CALD1: variants seen among roughly 807,000 people sequenced by gnomAD.
CALD1 encodes the protein caldesmon.
CALD1 carries 33 observed loss-of-function variants against 99.9 expected under a neutral mutation model. The observed-to-expected ratio is 0.33, with a 90% CI of 0.25 to 0.44. CALD1 has a LOEUF of 0.44. Among genes scored for constraint, CALD1 ranks in the 20% least tolerant of loss-of-function variants. The pLI is 1.00. For synonymous variants in CALD1, 310 were observed against 325.0 expected (o/e 0.95, Z 0.50); for missense variants, 861 against 962.1 (o/e 0.89, Z 1.39).
chr7:134,718,768 C>T, the CALD1 span, among the ~76,000 whole-genome samples: 2 of 152,094 alleles, frequency 1.3e-5, no homozygotes, highest in Admixed American at 1.3e-4. Flanking sequence ...AGTCTCATGT[C>T]TTATACTGGT....
intron 3 of CALD1, among the ~76,000 whole-genome samples, chr7:134,877,129 T>C (rs1006301377): frequency 5.4e-4 from 82 of 152,366 alleles, no homozygotes; most frequent in African/African-American, 1.9e-3. Context: ...TGTTACCTCT[T>C]GTTGCTGTTT....
chr7:134,807,908 G>A (rs1019044990), intron 1 of CALD1, among the ~76,000 whole-genome samples: 2 of 151,876 alleles, frequency 1.3e-5, no homozygotes, highest in African/African-American at 2.4e-5. Flanking sequence ...GATTACAAGC[G>A]TAAGCCACCG....
intron 3 of CALD1, among the ~76,000 whole-genome samples, chr7:134,880,280 T>C (rs1307501910): frequency 6.6e-6 from 1 of 152,240 alleles, no homozygotes; most frequent in Middle Eastern, 3.2e-3. Flanking sequence ...GAGTCCTTTA[T>C]TTCTGGAGCT....
chr7:134,862,047 G>A (rs1800585205), intron 2 of CALD1, among the ~76,000 whole-genome samples: 1 of 152,206 alleles, frequency 6.6e-6, no homozygotes, highest in African/African-American at 2.4e-5. Context: ...GCATTTGGAA[G>A]GCTAATTCAA....
intron 2 of CALD1, among the ~76,000 whole-genome samples, chr7:134,853,827 T>G (rs1206167261): frequency 6.6e-6 from 1 of 152,088 alleles, no homozygotes; most frequent in Non-Finnish European, 1.5e-5. Flanking sequence ...TCACCTACAT[T>G]AGGTATTTCT....
At chr7:134,854,404 T>C (rs1800211375) in intron 2 of CALD1, among the ~76,000 whole-genome samples, 1 of 152,214 alleles carries the variant, frequency 6.6e-6, no homozygotes, top group South Asian at 2.1e-4. Context: ...TGATCTGCAT[T>C]GAATATTTTT....
At chr7:134,900,757 A>T (rs1372800137) in intron 3 of CALD1, among the ~76,000 whole-genome samples, 1 of 152,088 alleles carries the variant, frequency 6.6e-6, no homozygotes, top group Non-Finnish European at 1.5e-5. Context: ...CTAGCTATGC[A>T]AAGTATATAA....
At chr7:134,891,745 TAAAAAAAAA>T (rs10607357) in intron 3 of CALD1, 15 of 427,598 alleles carry the variant, frequency 3.5e-5, no homozygotes, top group Middle Eastern at 7.8e-4. Flanking sequence ...CGAATTGTTG[TAAAAAAAAA>T]AAAAAAAAAA....
intron 4 of CALD1, among the ~76,000 whole-genome samples, chr7:134,932,601 T>C (rs985573708): frequency 1.3e-5 from 2 of 152,148 alleles, no homozygotes; most frequent in African/African-American, 4.8e-5. Context: ...ACATCACCAC[T>C]GTGGGTATCT....
chr7:134,743,130 G>C (rs548176299), upstream of CALD1, among the ~76,000 whole-genome samples: 22 of 152,304 alleles, frequency 1.4e-4, no homozygotes, highest in South Asian at 4.6e-3. Context: ...CTAGTGGGAG[G>C]GGAAGATGAC....
intron 1 of CALD1, among the ~76,000 whole-genome samples, chr7:134,784,620 A>G (rs1797236996): frequency 6.6e-6 from 1 of 152,224 alleles, no homozygotes; most frequent in South Asian, 2.1e-4. Context: ...GCCCAGTGTT[A>G]GGAAGAAATA....
intron 1 of CALD1, among the ~76,000 whole-genome samples, chr7:134,755,752 A>G (rs190514159): frequency 1.3e-5 from 2 of 152,242 alleles, no homozygotes; most frequent in East Asian, 3.9e-4. Flanking sequence ...ACAGTGTAGA[A>G]GTTGTTTTTC....
At chr7:134,817,740 T>C (rs1798613857) in intron 1 of CALD1, among the ~76,000 whole-genome samples, 1 of 152,190 alleles carries the variant, frequency 6.6e-6, no homozygotes, top group Non-Finnish European at 1.5e-5. Flanking sequence ...AGAAATCCAT[T>C]GGTGCAAAGT....
chr7:134,802,842 G>T (rs1340120236), intron 1 of CALD1, among the ~76,000 whole-genome samples: 3 of 152,226 alleles, frequency 2.0e-5, no homozygotes, highest in Non-Finnish European at 1.5e-5. Flanking sequence ...GACCATCTGT[G>T]TAAGATTCAA....
the CALD1 span, among the ~76,000 whole-genome samples, chr7:134,726,361 T>C: frequency 1.7e-4 from 25 of 147,532 alleles, no homozygotes; most frequent in African/African-American, 5.9e-4. Context: ...ATATATTATA[T>C]GTATATAACT....
intron 1 of CALD1, among the ~76,000 whole-genome samples, chr7:134,822,277 T>C (rs1414332688): frequency 1.3e-5 from 2 of 152,082 alleles, no homozygotes; most frequent in African/African-American, 4.8e-5. Flanking sequence ...GGCTATCTTT[T>C]ATTTGGGCCA....
chr7:134,762,483 T>C (rs1796787688), intron 1 of CALD1, among the ~76,000 whole-genome samples: 2 of 152,216 alleles, frequency 1.3e-5, no homozygotes, highest in South Asian at 4.1e-4. Context: ...CACATTACTA[T>C]AAAGAAATAC....
At chr7:134,956,077 T>C (rs1237889736) in intron 9 of CALD1, among the ~76,000 whole-genome samples, 1 of 151,290 alleles carries the variant, frequency 6.6e-6, no homozygotes, top group Admixed American at 6.6e-5. Context: ...ACAGATGTTT[T>C]ATATATCCCA....
chr7:134,934,123 G>A (rs1460324587), intron 5 of CALD1, 46 bp downstream of exon 5: 2 of 1,568,866 alleles, frequency 1.3e-6, no homozygotes, highest in African/African-American at 1.4e-5. Flanking sequence ...TGTGACTTGT[G>A]AGAAATGTAA....
Sources: gnomAD v4.1 joint callset for allele counts (sites outside exome capture counted in the v4.1 genomes callset) on GRCh38, gnomAD v4.1.1 for gene constraint, MANE v1.5 for transcripts, NCBI Gene and HGNC (gene_info 2026-07-23, HGNC 2026-07-21) for gene names.